SLIT2: variants seen among roughly 807,000 people sequenced by gnomAD.
The protein encoded by SLIT2 is slit guidance ligand 2.
In SLIT2, 41 loss-of-function variants were observed where a neutral mutation model predicts 185.7. The observed-to-expected ratio is 0.22, with a 90% CI of 0.17 to 0.29. The LOEUF (loss-of-function observed/expected upper bound fraction) is 0.29, where lower values mean the gene tolerates loss of function less well. Ranked by LOEUF, SLIT2 falls within the 10% of genes least tolerant of loss-of-function variation. The pLI is 1.00. For synonymous variants in SLIT2, 693 were observed against 680.2 expected, an observed-to-expected ratio of 1.02 and a Z score of -0.29; for missense variants, 1,571 against 1,909.0, an observed-to-expected ratio of 0.82 and a Z score of 3.30.
intron 4 of SLIT2, among the ~76,000 whole-genome samples, chr4:20,407,209 AAC>A (rs1726844128): frequency 6.6e-6 from 1 of 152,114 alleles, no homozygotes; most frequent in Non-Finnish European, 1.5e-5. Context: ...TTGCTGCAAA[AAC>A]ACAGATGAGT....
At chr4:20,446,227 A>G (rs1438552422) in intron 4 of SLIT2, among the ~76,000 whole-genome samples, 2 of 152,150 alleles carry the variant, frequency 1.3e-5, no homozygotes, top group Admixed American at 1.3e-4. Flanking sequence ...GAAGCTGAGA[A>G]TTGTTAACAA....
intron 4 of SLIT2, among the ~76,000 whole-genome samples, chr4:20,390,065 C>T (rs1725293432): frequency 6.6e-6 from 1 of 151,980 alleles, no homozygotes. Context: ...CCAGGGGTCT[C>T]CAGACTTCTT....
rs915630471 is a variant in SLIT2, at chr4:20,512,314, C to T, written c.1058+1177C>T. Among the ~76,000 whole-genome samples, 9 of 152,198 alleles carry T rather than the reference C, an allele frequency of 5.9e-5. No homozygotes were observed. The South Asian group carries it at 1.0e-3, about 18-fold the overall frequency. Reference sequence around the variant, plus strand: ...ACTCTTTCCAAGGGGAGAACTAGATCGGAGTGCTCATCTGGGCACATGAGT... The same window carrying T: ...ACTCTTTCCAAGGGGAGAACTAGATTGGAGTGCTCATCTGGGCACATGAGT... On this transcript the variant is annotated intron_variant, in intron 11 of 36. Coordinates refer to ENST00000504154, the MANE Select transcript of SLIT2 (RefSeq NM_004787.4).
Position 20,472,611 on chromosome 4 carries a change from T to TAG in SLIT2, c.467+4789_467+4790insGA, listed in dbSNP as rs1288236922. 6.0e-4 allele frequency among the ~76,000 whole-genome samples: 5 copies of TAG among 8,328 alleles called. 1 individual carries two copies. The highest frequency in any genetic ancestry group is 7.1e-3 in the South Asian group (1 of 140). The allele number at this position is 8,328 out of a possible 152,430, so 5.5% of individuals were successfully genotyped here. On this transcript the variant is annotated intron_variant, in intron 5 of 36. Transcript: ENST00000504154. ...ATAGATATATATCTATAGATATATC[T>TAG]ATATATATCGATATATCTATATATA...
At chr4:20,343,024 A>G (rs139454213) in intron 4 of SLIT2, among the ~76,000 whole-genome samples, 4 of 152,010 alleles carry the variant, frequency 2.6e-5, no homozygotes, top group East Asian at 3.9e-4. Context: ...AGAATGTACA[A>G]TAATCAATTC....
Position 20,254,014 on chromosome 4 carries a change from C to A in SLIT2, c.179+20C>A. On this transcript the variant is annotated intron_variant, in intron 1 of 36. Coordinates refer to ENST00000504154, the MANE Select transcript of SLIT2 (RefSeq NM_004787.4). The surrounding 1 kb of genome is among the most constrained non-coding windows in gnomAD (Gnocchi z 5.1). ...GAGACTGTGAGTATGCGCTCTTCGT[C>A]TTCCCCTCTCCCCATCCGGGCCGCG... is the stretch of plus-strand genomic sequence containing the variant. 1 of 1,593,452 alleles carries A rather than the reference C, an allele frequency of 6.3e-7. No individual in the cohort carries two copies. The highest frequency in any genetic ancestry group is 1.1e-5 in the South Asian group (1 of 90,622).
chr4:20,298,448 A>C (rs1007845284), intron 4 of SLIT2, among the ~76,000 whole-genome samples: 7 of 152,252 alleles, frequency 4.6e-5, no homozygotes, highest in Non-Finnish European at 8.8e-5. Context: ...AGAAGGCACT[A>C]ATTTTGATAT....
At chr4:20,468,448 A>T (rs1182165592) in intron 5 of SLIT2, among the ~76,000 whole-genome samples, 2 of 152,054 alleles carry the variant, frequency 1.3e-5, no homozygotes, top group African/African-American at 4.8e-5. Flanking sequence ...TCATGAAAGA[A>T]TGTATTTATA....
chr4:20,320,574 C>T lies in SLIT2; in HGVS notation c.395+51693C>T, dbSNP rs78101296. Among the ~76,000 whole-genome samples the T allele has an allele frequency of 5.6e-3, 847 of 152,194 alleles. 6 individuals carry two copies. The highest frequency in any genetic ancestry group is 0.019 in the African/African-American group (781 of 41,540). Reference sequence around the variant, plus strand: ...ATTTGTCATGTTCTCGTCACTGAATCTGATAGTCTCTTCAGCCACTTCCCT... The same window carrying T: ...ATTTGTCATGTTCTCGTCACTGAATTTGATAGTCTCTTCAGCCACTTCCCT... On this transcript the variant is annotated intron_variant, in intron 4 of 36. Transcript: ENST00000504154.
intron 29 of SLIT2, among the ~76,000 whole-genome samples, chr4:20,572,762 A>G (rs1455687783): frequency 6.6e-6 from 1 of 152,240 alleles, no homozygotes; most frequent in Admixed American, 6.5e-5. Flanking sequence ...TACAAGTATG[A>G]CACAGTTGAT....
intron 15 of SLIT2, 130 bp downstream of exon 15, chr4:20,525,302 T>C (rs1394075458): frequency 1.5e-6 from 1 of 652,660 alleles, no homozygotes; most frequent in Non-Finnish European, 2.7e-6. Flanking sequence ...GACTTATGCA[T>C]ATATCACTTG....
At chr4:20,463,394 A>T (rs1048256679) in intron 4 of SLIT2, among the ~76,000 whole-genome samples, 4 of 146,382 alleles carry the variant, frequency 2.7e-5, no homozygotes, top group Non-Finnish European at 4.5e-5. Context: ...TATCTTTCTC[A>T]GATACCACTC....
chr4:20,332,250 A>G (rs1269584266), intron 4 of SLIT2, among the ~76,000 whole-genome samples: 5 of 152,288 alleles, frequency 3.3e-5, no homozygotes, highest in African/African-American at 1.2e-4. Flanking sequence ...TGGCAAGAAC[A>G]GAACTTTTAG....
At chr4:20,350,708 A>G (rs1240659577) in intron 4 of SLIT2, among the ~76,000 whole-genome samples, 1 of 152,166 alleles carries the variant, frequency 6.6e-6, no homozygotes, top group African/African-American at 2.4e-5. Flanking sequence ...AAATATTCAA[A>G]TTGCTGGGTT....
chr4:20,463,472 T>TATATATATATAG (rs1713966569), intron 4 of SLIT2, among the ~76,000 whole-genome samples: 1 of 115,696 alleles, frequency 8.6e-6, no homozygotes, highest in East Asian at 2.4e-4. Context: ...TATATATATA[T>TATATATATATAG]ATATATATAT....
intron 4 of SLIT2, among the ~76,000 whole-genome samples, chr4:20,440,560 A>G (rs1168495060): frequency 6.6e-6 from 1 of 152,214 alleles, no homozygotes; most frequent in Non-Finnish European, 1.5e-5. Flanking sequence ...ATACACGGCA[A>G]TAGAAAACAA....
intron 4 of SLIT2, among the ~76,000 whole-genome samples, chr4:20,336,264 A>G (rs1410486896): frequency 5.3e-5 from 8 of 152,200 alleles, no homozygotes; most frequent in Non-Finnish European, 7.3e-5. Flanking sequence ...CACAATAACA[A>G]AGACTTGCAA....
At position 20,330,551 on chromosome 4, in the gene SLIT2, GAATT is replaced by G. The variant is rs1242087379; in HGVS notation, c.395+61674_395+61677del. 4.6e-5 allele frequency among the ~76,000 whole-genome samples: 7 copies of G among 152,130 alleles called. No homozygotes were observed. In the South Asian group the frequency reaches 1.2e-3, roughly 27 times the overall value. ...TCATAGCATGTTTGCAAGGAAAAATGAATTAATAGTTTTAAAGCATTTGGAAAGC... is the reference window on the plus strand; with the variant it reads ...TCATAGCATGTTTGCAAGGAAAAATGAATAGTTTTAAAGCATTTGGAAAGC... On this transcript the variant is annotated intron_variant, in intron 4 of 36. Transcript: ENST00000504154.
chr4:20,363,866 A>G (rs895191627), intron 4 of SLIT2, among the ~76,000 whole-genome samples: 5 of 152,282 alleles, frequency 3.3e-5, no homozygotes, highest in African/African-American at 1.2e-4. Flanking sequence ...ATTTGTAATA[A>G]GTGGAAGTAT....
Sources: gnomAD v4.1 joint callset for allele counts (sites outside exome capture counted in the v4.1 genomes callset) on GRCh38, gnomAD v4.1.1 for gene constraint, Gnocchi (gnomAD v3.1) non-coding constraint, MANE v1.5 for transcripts, NCBI Gene and HGNC (gene_info 2026-07-23, HGNC 2026-07-21) for gene names.